The following ATXN2 variants were observed in gnomAD, a reference collection of about 807,000 sequenced individuals.
ATXN2 encodes ataxin 2, also known as ataxin-2.
A neutral mutation model predicts 138.6 loss-of-function variants in ATXN2; 37 were observed. The observed-to-expected ratio is 0.27, with a 90% confidence interval of 0.21 to 0.35. The LOEUF (loss-of-function observed/expected upper bound fraction) is 0.35. ATXN2 is among the 10% of genes least tolerant of loss of function. ATXN2 has a pLI of 1.00. For synonymous variants in ATXN2, 549 were observed against 543.7 expected (o/e 1.01, Z -0.13); for missense variants, 1,216 against 1,480.3 (o/e 0.82, Z 2.93).
rs185211479 is a variant in ATXN2, at chr12:111,508,666, C to T, written c.1935+883G>A. On this transcript the variant is annotated intron_variant, in intron 14 of 24. Coordinates refer to ENST00000673436, the MANE Select transcript of ATXN2 (RefSeq NM_001372574.1). ...TTCACCATGTTGACCAGGCTGGTCT[C>T]GAACTCCTGACCTTAGGTGATCTGC... is the stretch of plus-strand genomic sequence containing the variant. 2.8e-3 allele frequency among the ~76,000 whole-genome samples: 418 copies of T among 151,982 alleles called. 1 individual carries two copies. Among genetic ancestry groups the T allele is most frequent in the African/African-American group, 8.3e-3 (342 of 41,452 alleles).
At chr12:111,584,714 C>T (rs1344653780) in intron 1 of ATXN2, among the ~76,000 whole-genome samples, 2 of 151,904 alleles carry the variant, frequency 1.3e-5, no homozygotes, top group African/African-American at 4.8e-5. Context: ...GCCTGTATCC[C>T]CAGCACTTTG....
intron 14 of ATXN2, among the ~76,000 whole-genome samples, chr12:111,496,631 T>C (rs988845692): frequency 3.3e-5 from 5 of 152,226 alleles, no homozygotes; most frequent in African/African-American, 1.2e-4. Context: ...AATATGCTCC[T>C]GAATGACCAG....
At chr12:111,522,897 G>C (rs745395008) in intron 6 of ATXN2, among the ~76,000 whole-genome samples, 2 of 151,724 alleles carry the variant, frequency 1.3e-5, no homozygotes, top group Non-Finnish European at 2.9e-5. Context: ...CTGGACAACA[G>C]AGCAAGACTC....
intron 11 of ATXN2, chr12:111,512,071 A>T (rs1398692359): frequency 1.3e-5 from 2 of 151,912 alleles, no homozygotes; most frequent in Non-Finnish European, 1.5e-5. Flanking sequence ...CCTGGGTTCA[A>T]ATGATTCTCC....
chr12:111,552,127 C>A lies in ATXN2; in HGVS notation c.571+153G>T, dbSNP rs1198767486. Reference sequence around the variant, plus strand: ...AACTCCTGACCTCAGGTGATCCACCCGCCTCAGCCTCCCTAAGTGCTAAGA... The same window carrying A: ...AACTCCTGACCTCAGGTGATCCACCAGCCTCAGCCTCCCTAAGTGCTAAGA... On this transcript the variant is annotated intron_variant, in intron 5 of 24. Transcript: ENST00000673436. This position sits in a 1 kb window ranked among gnomAD's most constrained non-coding sequence, Gnocchi z 4.1. Among the ~76,000 whole-genome samples the A allele has an allele frequency of 1.3e-5, 2 of 151,956 alleles. No homozygotes were observed. The highest frequency in any genetic ancestry group is 6.6e-5 in the Admixed American group (1 of 15,244).
At chr12:111,586,234 T>G (rs1191539920) in intron 1 of ATXN2, among the ~76,000 whole-genome samples, 1 of 150,746 alleles carries the variant, frequency 6.6e-6, no homozygotes, top group Non-Finnish European at 1.5e-5. Context: ...TTTTTTTTTT[T>G]GAGACAGAGT....
chr12:111,576,276 T>C (rs1219841410), intron 1 of ATXN2, among the ~76,000 whole-genome samples: 1 of 151,946 alleles, frequency 6.6e-6, no homozygotes, highest in African/African-American at 2.4e-5. Flanking sequence ...AAACCCCATT[T>C]CTACTAAAAA....
Position 111,488,465 on chromosome 12 carries a change from G to C in ATXN2, c.2240+11C>G, listed in dbSNP as rs1381984274. 6.3e-7 allele frequency: 1 copy of C among 1,598,510 alleles called. No homozygotes were observed. Among genetic ancestry groups the C allele is most frequent in the South Asian group, 1.1e-5 (1 of 88,726 alleles). The stretch of plus-strand genomic sequence containing the variant: ...GAGTAACAGGATGGTCTAAGTTCCA[G>C]GTTTACTCACTCAGCTGCGTCTTTC... On this transcript the variant is annotated intron_variant, in intron 15 of 24. Coordinates refer to ENST00000673436, the MANE Select transcript of ATXN2 (RefSeq NM_001372574.1).
intron 1 of ATXN2, among the ~76,000 whole-genome samples, chr12:111,565,967 C>T (rs10849958): frequency 0.069 from 10,277 of 148,698 alleles, 1,259 homozygotes; most frequent in East Asian, 0.57. Flanking sequence ...CTGCACTCCA[C>T]GCTGGGAAAC....
intron 6 of ATXN2, 31 bp downstream of exon 6, chr12:111,525,160 AG>A: frequency 6.3e-7 from 1 of 1,594,070 alleles, no homozygotes; most frequent in Non-Finnish European, 8.5e-7. Flanking sequence ...TACTGACCAG[AG>A]TCTAGCAATA....
At chr12:111,559,777 CAA>C (rs58659313) in intron 1 of ATXN2, among the ~76,000 whole-genome samples, 11 of 76,002 alleles carry the variant, frequency 1.4e-4, no homozygotes, top group African/African-American at 3.5e-4. Context: ...TCTCAAAAAA[CAA>C]AAAAAAAAAA....
intron 14 of ATXN2, among the ~76,000 whole-genome samples, chr12:111,498,509 A>C (rs969145087): frequency 1.3e-5 from 2 of 152,184 alleles, no homozygotes; most frequent in Non-Finnish European, 2.9e-5. Context: ...GAATAAACTT[A>C]ACCAAATGAG....
Position 111,525,243 on chromosome 12 carries a change from A to C in ATXN2, c.645T>G (p.Asp215Glu), listed in dbSNP as rs1166372811. The part of the protein sequence containing the change: ...EHKEKDLEPW[D>E]AGELTANEEL... ...CCTCATTGGCTGTGAGTTCACCTGC[A>C]TCCCAGGGCTCCAGGTCCTTCTCTT... The change falls in exon 6 of 25, where the codon GAT becomes GAG. Residue 215 changes from aspartate to glutamate, a missense_variant. By Grantham distance (45) the Asp-to-Glu change is conservative. Transcript: ENST00000673436. 1.9e-6 allele frequency: 3 copies of C among 1,613,750 alleles called. No individual in the cohort carries two copies.
At chr12:111,487,715 T>C (rs185193266) in intron 15 of ATXN2, among the ~76,000 whole-genome samples, 1 of 152,136 alleles carries the variant, frequency 6.6e-6, no homozygotes, top group African/African-American at 2.4e-5. Flanking sequence ...TGCTTGGACC[T>C]CCCAGAGTGC....
chr12:111,495,627 A>C (rs907271058), intron 14 of ATXN2, among the ~76,000 whole-genome samples: 1 of 152,186 alleles, frequency 6.6e-6, no homozygotes, highest in Non-Finnish European at 1.5e-5. Flanking sequence ...AGAGAAACAG[A>C]CCTCAGTAAC....
At chr12:111,469,077 A>G (rs1876232886) in intron 20 of ATXN2, 1 of 152,228 alleles carries the variant, frequency 6.6e-6, no homozygotes, top group South Asian at 2.1e-4. Context: ...AAAATTTTAT[A>G]TTCTTAGTAT....
chr12:111,547,836 A>ATTTTTTTTTTTTTTTTTTTTT (rs34988312), intron 5 of ATXN2, among the ~76,000 whole-genome samples: 2 of 100,224 alleles, frequency 2.0e-5, no homozygotes, highest in Non-Finnish European at 1.9e-5. Context: ...TTGCTTGAGA[A>ATTTTTTTTTTTTTTTTTTTTT]TTTTTTTTTT....
intron 1 of ATXN2, among the ~76,000 whole-genome samples, chr12:111,561,395 G>T (rs1271268568): frequency 6.6e-6 from 1 of 152,032 alleles, no homozygotes; most frequent in Non-Finnish European, 1.5e-5. Flanking sequence ...TCAGGAGGAG[G>T]TGGCTGAGGG....
intron 22 of ATXN2, 128 bp from the exon 23 acceptor site, chr12:111,456,384 T>C: frequency 1.0e-6 from 1 of 963,690 alleles, no homozygotes; most frequent in Non-Finnish European, 1.6e-6. Flanking sequence ...CAGGAGAATG[T>C]ACAGGGTGGT....
Sources: gnomAD v4.1 joint callset for allele counts (sites outside exome capture counted in the v4.1 genomes callset) on GRCh38, gnomAD v4.1.1 for gene constraint, Gnocchi (gnomAD v3.1) non-coding constraint, MANE v1.5 for transcripts, NCBI Gene and HGNC (gene_info 2026-07-23, HGNC 2026-07-21) for gene names.